The following NEGR1 variants were observed in gnomAD, a reference collection of about 807,000 sequenced individuals.
NEGR1 encodes the protein IgLON family member 4.
Under a neutral mutation model 40.9 loss-of-function variants are expected in NEGR1, and 10 were observed. That is an observed-to-expected ratio of 0.24 (90% CI 0.15 to 0.42). The LOEUF is 0.42. Ranked by LOEUF, NEGR1 falls within the 10% of genes least tolerant of loss-of-function variation. NEGR1 has a pLI of 1.00. For missense variants in NEGR1, 352 were observed against 438.9 expected (o/e 0.80, Z 1.77); for synonymous variants, 185 against 166.8 (o/e 1.11, Z -0.84).
chr1:72,000,702 A>T (rs1039324664), intron 1 of NEGR1, among the ~76,000 whole-genome samples: 3 of 152,146 alleles, frequency 2.0e-5, no homozygotes, highest in African/African-American at 7.2e-5. Context: ...AATTGTTTCT[A>T]ACAGTGAACC....
chr1:71,911,728 T>A (rs989102663), intron 2 of NEGR1, among the ~76,000 whole-genome samples: 2 of 152,188 alleles, frequency 1.3e-5, no homozygotes, highest in Admixed American at 1.3e-4. Context: ...ACAGGTATAT[T>A]GAGAAAGAAA....
intron 2 of NEGR1, among the ~76,000 whole-genome samples, chr1:71,872,854 A>C (rs2101834634): frequency 6.6e-6 from 1 of 151,446 alleles, no homozygotes; most frequent in South Asian, 2.1e-4. Context: ...TACTGAAAAC[A>C]CTCTTTCTTG....
At chr1:71,690,619 CAGAGAGAGAGAGAGAG>C (rs59019409) in intron 4 of NEGR1, among the ~76,000 whole-genome samples, 64 of 67,650 alleles carry the variant, frequency 9.5e-4, no homozygotes, top group Middle Eastern at 0.013. Flanking sequence ...TAGAGGGAGA[CAGAGAGAGAGAGAGAG>C]AGAGAGAGAG....
At chr1:71,430,307 C>G (rs1415250160) in intron 6 of NEGR1, among the ~76,000 whole-genome samples, 4 of 152,180 alleles carry the variant, frequency 2.6e-5, no homozygotes, top group Non-Finnish European at 4.4e-5. Context: ...CTCTATAAAC[C>G]TCAGTTTGAC....
intron 2 of NEGR1, among the ~76,000 whole-genome samples, chr1:71,799,797 C>T (rs1220358399): frequency 6.6e-6 from 1 of 152,124 alleles, no homozygotes; most frequent in East Asian, 1.9e-4. Flanking sequence ...ACTGCAACCT[C>T]CACGTCCTGG....
intron 3 of NEGR1, among the ~76,000 whole-genome samples, chr1:71,760,829 T>A (rs1655916925): frequency 6.6e-6 from 1 of 152,144 alleles, no homozygotes; most frequent in South Asian, 2.1e-4. Flanking sequence ...ACACACTTGG[T>A]GTTGGTCCAG....
intron 2 of NEGR1, among the ~76,000 whole-genome samples, chr1:71,814,337 A>G (rs1658119960): frequency 6.6e-6 from 1 of 152,116 alleles, no homozygotes; most frequent in African/African-American, 2.4e-5. Context: ...GGATTTTTGC[A>G]TCAATGTTCA....
At chr1:71,529,600 GA>G in intron 6 of NEGR1, among the ~76,000 whole-genome samples, 1 of 151,290 alleles carries the variant, frequency 6.6e-6, no homozygotes, top group Non-Finnish European at 1.5e-5. Context: ...ATGATCTCAA[GA>G]ATGTGTTTGT....
intron 1 of NEGR1, among the ~76,000 whole-genome samples, chr1:72,056,239 G>A (rs752541894): frequency 7.9e-5 from 12 of 151,210 alleles, no homozygotes; most frequent in Non-Finnish European, 1.5e-4. Flanking sequence ...TTATCTTGGT[G>A]TGTCTCACCC....
chr1:71,989,620 G>T (rs574792055), intron 1 of NEGR1, among the ~76,000 whole-genome samples: 1 of 151,874 alleles, frequency 6.6e-6, no homozygotes, highest in Admixed American at 6.6e-5. Flanking sequence ...TGCTTATTCT[G>T]TAACTTTTGG....
In NEGR1 at chr1:72,040,577, C is replaced by CAA. The variant is rs5775102; in HGVS notation, c.177-105268_177-105267dup. On this transcript the variant is annotated intron_variant, in intron 1 of 6. Transcript: ENST00000357731. ...TGGCAAGCACAGTAAGAGCACTGAC[C>CAA]AAAAAAAAAAAAAAAAAAAAAAAAA... is the stretch of plus-strand genomic sequence containing the variant. Among the ~76,000 whole-genome samples, 82 of 29,704 alleles carry CAA rather than the reference C, an allele frequency of 2.8e-3. 2 individuals are homozygous for CAA. The highest frequency in any genetic ancestry group is 5.9e-3 in the African/African-American group (48 of 8,142). The allele number at this position is 29,704 out of a possible 152,430, so 19.5% of individuals were successfully genotyped here. A position where few individuals can be genotyped will look rare whatever the true frequency, so the allele number is the denominator to read the frequency against.
At chr1:72,012,856 T>TATATATAC (rs769682455) in intron 1 of NEGR1, among the ~76,000 whole-genome samples, 6 of 135,204 alleles carry the variant, frequency 4.4e-5, no homozygotes, top group Non-Finnish European at 7.8e-5. Context: ...TATATATATA[T>TATATATAC]ACACACACAC....
At chr1:72,194,424 TA>T (rs1273746743) in intron 1 of NEGR1, among the ~76,000 whole-genome samples, 1 of 151,996 alleles carries the variant, frequency 6.6e-6, no homozygotes, top group Non-Finnish European at 1.5e-5. Flanking sequence ...TATCAGGAAG[TA>T]ACCGCTGTTA....
At chr1:71,554,141 C>T (rs2101472466) in intron 6 of NEGR1, among the ~76,000 whole-genome samples, 1 of 151,468 alleles carries the variant, frequency 6.6e-6, no homozygotes, top group African/African-American at 2.4e-5. Context: ...TTAAATAAAA[C>T]TGGGTTTATT....
At chr1:72,091,357 T>A (rs115018439) in intron 1 of NEGR1, among the ~76,000 whole-genome samples, 3,689 of 131,720 alleles carry the variant, frequency 0.028, 135 homozygotes, top group African/African-American at 0.099. Flanking sequence ...TCAGTTTCCC[T>A]CCCTCCCTCC....
chr1:71,920,740 C>T (rs1049213106), intron 2 of NEGR1, among the ~76,000 whole-genome samples: 1 of 152,184 alleles, frequency 6.6e-6, no homozygotes, highest in South Asian at 2.1e-4. Context: ...ACTGAAGAGG[C>T]ACAAATTGCT....
chr1:71,899,703 G>A (rs1661093793), intron 2 of NEGR1, among the ~76,000 whole-genome samples: 1 of 151,928 alleles, frequency 6.6e-6, no homozygotes, highest in African/African-American at 2.4e-5. Flanking sequence ...TTAATCAAAA[G>A]TCTTCTTATT....
At chr1:72,118,239 A>C (rs1469471077) in intron 1 of NEGR1, among the ~76,000 whole-genome samples, 2 of 151,874 alleles carry the variant, frequency 1.3e-5, no homozygotes, top group East Asian at 3.9e-4. Context: ...CTGGTCCTGG[A>C]ATAACATTAC....
chr1:71,694,162 G>A (rs1653393214), intron 4 of NEGR1, among the ~76,000 whole-genome samples: 1 of 151,618 alleles, frequency 6.6e-6, no homozygotes, highest in Non-Finnish European at 1.5e-5. Context: ...AACAGAACAT[G>A]AATGCAAATA....
Sources: gnomAD v4.1 joint callset for allele counts (sites outside exome capture counted in the v4.1 genomes callset) on GRCh38, gnomAD v4.1.1 for gene constraint, MANE v1.5 for transcripts, NCBI Gene and HGNC (gene_info 2026-07-23, HGNC 2026-07-21) for gene names.